Variants in FRMD5 observed in about 807,000 individuals in gnomAD.
The protein encoded by FRMD5 is FERM domain-containing protein 5.
A neutral mutation model predicts 69.0 loss-of-function variants in FRMD5; 20 were observed. The ratio of observed to expected loss-of-function variants is 0.29; its 90% CI spans 0.20 to 0.42. The LOEUF is 0.42. Ranked by LOEUF, FRMD5 falls within the 10% of genes least tolerant of loss-of-function variation. FRMD5 has a pLI of 1.00. For missense variants in FRMD5, 595 were observed against 708.6 expected, an observed-to-expected ratio of 0.84 and a Z score of 1.82; for synonymous variants, 271 against 260.1, an observed-to-expected ratio of 1.04 and a Z score of -0.40.
At chr15:44,178,169 C>G (rs1201478755) in intron 1 of FRMD5, among the ~76,000 whole-genome samples, 1 of 151,542 alleles carries the variant, frequency 6.6e-6, no homozygotes, top group African/African-American at 2.4e-5. Context: ...TAAAAACACA[C>G]AAAAATTTGC....
chr15:43,888,709 G>A, intron 9 of FRMD5, 100 bp downstream of exon 9: 1 of 952,422 alleles, frequency 1.0e-6, no homozygotes, highest in Non-Finnish European at 1.7e-6. Flanking sequence ...TTAGTATGTG[G>A]GTAGCTTGGC....
intron 1 of FRMD5, among the ~76,000 whole-genome samples, chr15:43,931,337 T>C (rs1352729355): frequency 6.6e-6 from 1 of 152,180 alleles, no homozygotes; most frequent in Non-Finnish European, 1.5e-5. Flanking sequence ...AACTCATTGC[T>C]TTGTATTTGT....
chr15:44,107,594 G>T (rs2076738436), intron 1 of FRMD5, among the ~76,000 whole-genome samples: 1 of 152,032 alleles, frequency 6.6e-6, no homozygotes, highest in Non-Finnish European at 1.5e-5. Context: ...ATGATTAGAG[G>T]GGGGAAAGCA....
chr15:44,139,249 A>C, intron 1 of FRMD5, among the ~76,000 whole-genome samples: 1 of 151,754 alleles, frequency 6.6e-6, no homozygotes, highest in Non-Finnish European at 1.5e-5. Flanking sequence ...AAAAACTTAG[A>C]AATAACAATT....
At chr15:43,978,959 T>C (rs1176987129) in intron 1 of FRMD5, among the ~76,000 whole-genome samples, 1 of 152,222 alleles carries the variant, frequency 6.6e-6, no homozygotes, top group Admixed American at 6.5e-5. Flanking sequence ...ACTGGCAAAA[T>C]ACTGTCTCCT....
chr15:44,002,777 C>A (rs1890270167), intron 1 of FRMD5, among the ~76,000 whole-genome samples: 1 of 152,140 alleles, frequency 6.6e-6, no homozygotes, highest in African/African-American at 2.4e-5. Context: ...GGGCTGTCTG[C>A]CTGTGGATTT....
intron 1 of FRMD5, among the ~76,000 whole-genome samples, chr15:43,928,642 C>G (rs2089625827): frequency 6.6e-6 from 1 of 152,232 alleles, no homozygotes; most frequent in African/African-American, 2.4e-5. Flanking sequence ...CATGGTCTCC[C>G]AGTCCTAAGT....
At chr15:43,882,414 A>C (rs2088555000) in intron 13 of FRMD5, among the ~76,000 whole-genome samples, 2 of 152,048 alleles carry the variant, frequency 1.3e-5, no homozygotes, top group African/African-American at 2.4e-5. Flanking sequence ...GCTGGAGTGC[A>C]GTGGCACGAT....
At chr15:44,131,585 A>G (rs2077098091) in intron 1 of FRMD5, among the ~76,000 whole-genome samples, 1 of 152,238 alleles carries the variant, frequency 6.6e-6, no homozygotes, top group South Asian at 2.1e-4. Flanking sequence ...TGGGATATAC[A>G]TACAATGGAA....
At chr15:43,991,408 T>C (rs1045421445) in intron 1 of FRMD5, among the ~76,000 whole-genome samples, 26 of 152,184 alleles carry the variant, frequency 1.7e-4, no homozygotes, top group African/African-American at 6.3e-4. Flanking sequence ...GGTGCATCCA[T>C]ACACATGAGC....
At chr15:44,191,908 T>C (rs1243358308) in intron 1 of FRMD5, among the ~76,000 whole-genome samples, 1 of 1,166 alleles carries the variant, frequency 8.6e-4, no homozygotes, top group Non-Finnish European at 1.5e-3. Context: ...TATATATATA[T>C]ATATATATAT....
chr15:43,992,888 A>G (rs1432316842), intron 1 of FRMD5, among the ~76,000 whole-genome samples: 1 of 152,018 alleles, frequency 6.6e-6, no homozygotes, highest in Non-Finnish European at 1.5e-5. Flanking sequence ...TTTTTGATGT[A>G]GATGTTTATT....
chr15:44,162,765 G>C (rs1030771364), intron 1 of FRMD5, among the ~76,000 whole-genome samples: 2 of 151,282 alleles, frequency 1.3e-5, no homozygotes, highest in East Asian at 3.9e-4. Flanking sequence ...TACTTGGGAA[G>C]CTGAGGCAGG....
intron 1 of FRMD5, among the ~76,000 whole-genome samples, chr15:43,925,021 T>C (rs1309550102): frequency 4.0e-5 from 6 of 150,870 alleles, no homozygotes; most frequent in African/African-American, 1.5e-4. Context: ...TTTTTTTTTT[T>C]TGAGATGGAG....
intron 1 of FRMD5, among the ~76,000 whole-genome samples, chr15:43,961,618 C>T (rs1234562642): frequency 6.6e-6 from 1 of 152,140 alleles, no homozygotes; most frequent in Non-Finnish European, 1.5e-5. Context: ...GAATTTTAGA[C>T]CAATAATCTT....
chr15:43,940,616 T>C (rs1359755628), intron 1 of FRMD5, among the ~76,000 whole-genome samples: 1 of 152,154 alleles, frequency 6.6e-6, no homozygotes, highest in Non-Finnish European at 1.5e-5. Context: ...AAATGCCACA[T>C]GGTGAAGGGC....
chr15:44,105,794 G>C (rs1305752467), intron 1 of FRMD5, among the ~76,000 whole-genome samples: 1 of 151,926 alleles, frequency 6.6e-6, no homozygotes, highest in Admixed American at 6.6e-5. Flanking sequence ...AATTACTACT[G>C]CCCATTAGAA....
intron 1 of FRMD5, among the ~76,000 whole-genome samples, chr15:43,939,227 A>C (rs936213724): frequency 4.6e-5 from 7 of 152,082 alleles, no homozygotes; most frequent in Admixed American, 2.6e-4. Context: ...CTGGAGATTA[A>C]ATATCAGTGG....
intron 1 of FRMD5, among the ~76,000 whole-genome samples, chr15:44,090,047 C>T (rs1229273569): frequency 6.6e-6 from 1 of 152,146 alleles, no homozygotes; most frequent in African/African-American, 2.4e-5. Flanking sequence ...ACCTCCGTCC[C>T]TCACTTCACT....
Sources: gnomAD v4.1 joint callset for allele counts (sites outside exome capture counted in the v4.1 genomes callset) on GRCh38, gnomAD v4.1.1 for gene constraint, MANE v1.5 for transcripts, NCBI Gene and HGNC (gene_info 2026-07-23, HGNC 2026-07-21) for gene names.